Variants in PRKCA observed in about 807,000 individuals in gnomAD.
PRKCA encodes protein kinase C alpha.
Under a neutral mutation model 87.0 loss-of-function variants are expected in PRKCA, and 27 were observed. The ratio of observed to expected loss-of-function variants is 0.31; its 90% CI spans 0.23 to 0.43. The LOEUF is 0.43. Ranked by LOEUF, PRKCA falls within the 20% of genes least tolerant of loss-of-function variation. The pLI, the probability that PRKCA is intolerant of heterozygous loss-of-function variation, is 1.00. For synonymous variants in PRKCA, 329 were observed against 311.1 expected (o/e 1.06, Z -0.61); for missense variants, 518 against 852.3 (o/e 0.61, Z 4.88).
chr17:66,547,597 A>G (rs987634547), intron 3 of PRKCA, among the ~76,000 whole-genome samples: 4 of 152,182 alleles, frequency 2.6e-5, no homozygotes, highest in Non-Finnish European at 4.4e-5. Context: ...GTTGTGATGA[A>G]TCCTACCTAC....
intron 3 of PRKCA, among the ~76,000 whole-genome samples, chr17:66,570,120 A>G (rs1395141048): frequency 6.6e-6 from 1 of 152,230 alleles, no homozygotes; most frequent in Non-Finnish European, 1.5e-5. Flanking sequence ...TAACACTGAG[A>G]GAAAGAACCC....
chr17:66,459,037 T>G (rs559924860), intron 2 of PRKCA, among the ~76,000 whole-genome samples: 1 of 152,132 alleles, frequency 6.6e-6, no homozygotes, highest in East Asian at 1.9e-4. Context: ...AGTTGGGATT[T>G]GAACCACTAA....
intron 3 of PRKCA, among the ~76,000 whole-genome samples, chr17:66,619,514 G>T (rs559982865): frequency 6.6e-6 from 1 of 152,294 alleles, no homozygotes; most frequent in South Asian, 2.1e-4. Flanking sequence ...TTTTCCCCAT[G>T]GGAAGTTTTA....
At chr17:66,749,019 A>G (rs1369898513) in intron 13 of PRKCA, among the ~76,000 whole-genome samples, 1 of 150,642 alleles carries the variant, frequency 6.6e-6, no homozygotes, top group Non-Finnish European at 1.5e-5. Flanking sequence ...GGTATTAGGT[A>G]TCTTGGCTCT....
intron 13 of PRKCA, among the ~76,000 whole-genome samples, chr17:66,761,312 G>A (rs1386707969): frequency 3.3e-5 from 5 of 150,458 alleles, no homozygotes; most frequent in Non-Finnish European, 7.4e-5. Flanking sequence ...AGAGGTTGCA[G>A]TGAGCCAAGA....
chr17:66,507,370 C>A (rs1320668585), intron 3 of PRKCA, among the ~76,000 whole-genome samples: 1 of 152,180 alleles, frequency 6.6e-6, no homozygotes, highest in Non-Finnish European at 1.5e-5. Flanking sequence ...AACTTCCAAA[C>A]CTGTTCTTTT....
At chr17:66,647,678 C>A (rs1031118984) in intron 5 of PRKCA, among the ~76,000 whole-genome samples, 16 of 152,148 alleles carry the variant, frequency 1.1e-4, no homozygotes, top group Non-Finnish European at 1.0e-4. Context: ...AAAGGTCAGG[C>A]CTTATCGTGC....
intron 2 of PRKCA, among the ~76,000 whole-genome samples, chr17:66,316,121 T>C (rs980294613): frequency 6.6e-6 from 1 of 152,186 alleles, no homozygotes; most frequent in African/African-American, 2.4e-5. Flanking sequence ...GGGAATGGCA[T>C]GCGTGAGAGA....
intron 5 of PRKCA, among the ~76,000 whole-genome samples, chr17:66,662,463 C>G (rs1971933644): frequency 6.6e-6 from 1 of 152,126 alleles, no homozygotes; most frequent in Non-Finnish European, 1.5e-5. Flanking sequence ...TGGGGGTCAT[C>G]TTAGTTATTT....
At chr17:66,606,437 A>C (rs763111392) in intron 3 of PRKCA, among the ~76,000 whole-genome samples, 1 of 152,234 alleles carries the variant, frequency 6.6e-6, no homozygotes, top group Non-Finnish European at 1.5e-5. Flanking sequence ...ACCAGGAGAC[A>C]GTAACATTAA....
At chr17:66,352,784 G>C (rs1411197086) in intron 2 of PRKCA, among the ~76,000 whole-genome samples, 1 of 151,712 alleles carries the variant, frequency 6.6e-6, no homozygotes, top group African/African-American at 2.4e-5. Context: ...GGCTGGTCTT[G>C]AACTCCTGAC....
Position 66,506,516 on chromosome 17 carries a change from A to C in PRKCA, c.288+10233A>C, listed in dbSNP as rs569520085. Among the ~76,000 whole-genome samples the C allele has an allele frequency of 3.3e-5, 5 of 152,320 alleles. No individual in the cohort carries two copies. In the East Asian group the frequency reaches 9.7e-4, roughly 29 times the overall value. On this transcript the variant is annotated intron_variant, in intron 3 of 16. Coordinates refer to ENST00000413366, the MANE Select transcript of PRKCA (RefSeq NM_002737.3). Reference sequence around the variant, plus strand: ...AGTATTCGTTGAACCAAAGAGAATGAGTTGGTGAAGGTCTGATAACCTAAC... The same window carrying C: ...AGTATTCGTTGAACCAAAGAGAATGCGTTGGTGAAGGTCTGATAACCTAAC...
chr17:66,503,200 TTA>T (rs991993710), intron 3 of PRKCA, among the ~76,000 whole-genome samples: 1 of 152,176 alleles, frequency 6.6e-6, no homozygotes, highest in African/African-American at 2.4e-5. Context: ...TGTTGAGCCA[TTA>T]TGTTTTTATT....
intron 3 of PRKCA, among the ~76,000 whole-genome samples, chr17:66,624,196 G>A (rs1391121201): frequency 1.3e-5 from 2 of 150,900 alleles, no homozygotes. Context: ...GTAGAGTGTG[G>A]CATGGGGAAG....
chr17:66,363,098 A>G (rs921870828), intron 2 of PRKCA, among the ~76,000 whole-genome samples: 2 of 152,208 alleles, frequency 1.3e-5, no homozygotes, highest in African/African-American at 4.8e-5. Flanking sequence ...TGCCCCAAAC[A>G]TCCCAGCAGT....
At chr17:66,564,863 C>G (rs979280771) in intron 3 of PRKCA, among the ~76,000 whole-genome samples, 1 of 152,088 alleles carries the variant, frequency 6.6e-6, no homozygotes, top group Non-Finnish European at 1.5e-5. Context: ...ACCTGTAGTC[C>G]CAGCTACTCA....
intron 3 of PRKCA, among the ~76,000 whole-genome samples, chr17:66,519,205 A>G (rs1967074582): frequency 6.6e-6 from 1 of 152,122 alleles, no homozygotes; most frequent in African/African-American, 2.4e-5. Flanking sequence ...AAGATTGTTG[A>G]GTGAATCCAG....
intron 2 of PRKCA, among the ~76,000 whole-genome samples, chr17:66,337,442 T>A (rs1282544302): frequency 6.6e-6 from 1 of 152,066 alleles, no homozygotes; most frequent in Non-Finnish European, 1.5e-5. Context: ...CAGGCTGGAG[T>A]ACAGTGGCAT....
intron 16 of PRKCA, among the ~76,000 whole-genome samples, chr17:66,794,624 G>GTTT (rs71367182): frequency 2.9e-5 from 4 of 136,908 alleles, no homozygotes; most frequent in Admixed American, 7.4e-5. Context: ...GGGGTTTTTT[G>GTTT]TTTTTTTTTT....
Sources: gnomAD v4.1 joint callset for allele counts (sites outside exome capture counted in the v4.1 genomes callset) on GRCh38, gnomAD v4.1.1 for gene constraint, MANE v1.5 for transcripts, NCBI Gene and HGNC (gene_info 2026-07-23, HGNC 2026-07-21) for gene names.